The following FTO variants were observed in gnomAD, a reference collection of about 807,000 sequenced individuals.
The protein encoded by FTO is FTO alpha-ketoglutarate dependent dioxygenase, also known as alpha-ketoglutarate-dependent dioxygenase FTO.
In FTO, 47 loss-of-function variants were observed where a neutral mutation model predicts 63.9. The observed-to-expected ratio is 0.74, with a 90% confidence interval of 0.58 to 0.94. FTO has a LOEUF of 0.94. Ranked by LOEUF, FTO falls within the 40% of genes least tolerant of loss-of-function variation. The pLI is 0.00. For synonymous variants in FTO, 207 were observed against 224.4 expected (o/e 0.92, Z 0.69); for missense variants, 562 against 618.1 (o/e 0.91, Z 0.96).
chr16:53,880,442 A>T (rs2080791440), intron 6 of FTO, among the ~76,000 whole-genome samples: 1 of 152,232 alleles, frequency 6.6e-6, no homozygotes, highest in Non-Finnish European at 1.5e-5. Context: ...AATAGCAGTC[A>T]CCAGAGTCTC....
chr16:53,896,427 G>T (rs1242220909), intron 7 of FTO, among the ~76,000 whole-genome samples: 2 of 151,612 alleles, frequency 1.3e-5, no homozygotes, highest in East Asian at 3.9e-4. Flanking sequence ...CAGTCTAGAA[G>T]AATGAAGTAG....
intron 1 of FTO, among the ~76,000 whole-genome samples, chr16:53,737,957 T>G (rs549032802): frequency 6.6e-6 from 1 of 150,914 alleles, no homozygotes; most frequent in South Asian, 2.1e-4. Flanking sequence ...TCTTTCTTTC[T>G]TTTTTTTCTT....
At chr16:53,993,579 C>G (rs536896543) in intron 8 of FTO, 1 of 152,286 alleles carries the variant, frequency 6.6e-6, no homozygotes, top group Admixed American at 6.5e-5. Flanking sequence ...TTAAGCTCAA[C>G]TATGTGTATT....
At chr16:53,727,264 G>A (rs1289203349) in intron 1 of FTO, among the ~76,000 whole-genome samples, 1 of 152,184 alleles carries the variant, frequency 6.6e-6, no homozygotes. Flanking sequence ...TATTCTATCA[G>A]CTTTCAGCTG....
chr16:53,825,838 C>G lies in FTO; in HGVS notation c.124-26C>G, dbSNP rs565476955. ...TACAATTGTAGCTATATATCAACGT[C>G]TGTTTTTGCTTTGGTTTTGTTTTAG... is the stretch of plus-strand genomic sequence containing the variant. On this transcript the variant is annotated intron_variant, in intron 2 of 8. Coordinates refer to ENST00000471389, the MANE Select transcript of FTO (RefSeq NM_001080432.3). 7 of 1,610,058 alleles carry G rather than the reference C, an allele frequency of 4.3e-6. No individual in the cohort carries two copies. The East Asian group carries it at 1.3e-4, about 31-fold the overall frequency.
chr16:53,715,378 C>G (rs1324055348), intron 1 of FTO, among the ~76,000 whole-genome samples: 2 of 152,054 alleles, frequency 1.3e-5, no homozygotes, highest in Non-Finnish European at 1.5e-5. Context: ...TAAAAATAGG[C>G]CCATCTTGCA....
At chr16:53,956,149 A>G (rs576150034) in intron 8 of FTO, among the ~76,000 whole-genome samples, 1 of 152,336 alleles carries the variant, frequency 6.6e-6, no homozygotes, top group Admixed American at 6.5e-5. Context: ...GTTAAAGATA[A>G]CTATTGACAA....
chr16:54,077,384 T>G (rs1380885661), intron 8 of FTO, among the ~76,000 whole-genome samples: 1 of 152,152 alleles, frequency 6.6e-6, no homozygotes, highest in Non-Finnish European at 1.5e-5. Context: ...GCCCAGTACC[T>G]GCATGGTTAT....
intron 8 of FTO, among the ~76,000 whole-genome samples, chr16:54,086,418 T>G (rs10492872): frequency 0.22 from 33,730 of 152,166 alleles, 4,760 homozygotes; most frequent in Middle Eastern, 0.39. Flanking sequence ...TTAGCAGAGA[T>G]GAGGAATTTA....
At chr16:53,927,147 G>C (rs540784034) in intron 7 of FTO, among the ~76,000 whole-genome samples, 21 of 152,184 alleles carry the variant, frequency 1.4e-4, no homozygotes, top group Non-Finnish European at 2.4e-4. Flanking sequence ...AGACAGATCA[G>C]TTTGGAGGCC....
intron 8 of FTO, among the ~76,000 whole-genome samples, chr16:54,020,892 A>G (rs893518464): frequency 5.9e-5 from 9 of 152,164 alleles, no homozygotes; most frequent in Non-Finnish European, 2.9e-5. Flanking sequence ...AATCCCTTGA[A>G]TCTGGGAGAC....
chr16:53,730,071 G>C (rs572073567), intron 1 of FTO, among the ~76,000 whole-genome samples: 11 of 152,262 alleles, frequency 7.2e-5, no homozygotes, highest in Non-Finnish European at 1.3e-4. Flanking sequence ...GATTTATCAT[G>C]GACTTCAAAT....
intron 4 of FTO, among the ~76,000 whole-genome samples, chr16:53,873,070 C>T (rs1352482784): frequency 6.6e-6 from 1 of 152,164 alleles, no homozygotes; most frequent in Admixed American, 6.5e-5. Context: ...AAGAGCCAAA[C>T]ATGCAACATG....
Position 53,835,106 on chromosome 16 carries a change from C to T in FTO, c.751+8615C>T, listed in dbSNP as rs115487399. Among the ~76,000 whole-genome samples the T allele has an allele frequency of 4.1e-3, 617 of 152,050 alleles. 8 individuals are homozygous for T. Among genetic ancestry groups the T allele is most frequent in the African/African-American group, 0.014 (563 of 41,452 alleles). On this transcript the variant is annotated intron_variant, in intron 3 of 8. Transcript: ENST00000471389. ...CTATGTAGTTATGACTAATTAAATC[C>T]CTTGCTATCTACCACATCTCCTCTT...
chr16:53,961,939 C>T (rs942661940), intron 8 of FTO, among the ~76,000 whole-genome samples: 5 of 152,152 alleles, frequency 3.3e-5, no homozygotes, highest in Non-Finnish European at 5.9e-5. Context: ...TTGAACACCT[C>T]AGGTAGTACC....
In FTO at chr16:54,005,231, G is replaced by C. The variant is rs183821344; in HGVS notation, c.1364+71122G>C. On this transcript the variant is annotated intron_variant, in intron 8 of 8. Transcript: ENST00000471389. ...TTTCTAGTGGCCTTTATAGGACTTG[G>C]CTTAATATTTTTATTTTATTTTATA... Among the ~76,000 whole-genome samples the C allele has an allele frequency of 2.1e-3, 305 of 146,694 alleles. 1 individual carries two copies. Among genetic ancestry groups the C allele is most frequent in the Non-Finnish European group, 3.4e-3 (224 of 66,664 alleles).
chr16:54,106,664 T>C (rs1477053675), intron 8 of FTO, among the ~76,000 whole-genome samples: 2 of 137,600 alleles, frequency 1.5e-5, no homozygotes, highest in African/African-American at 2.7e-5. Context: ...TATCATTATA[T>C]ATTATATAAT....
intron 8 of FTO, among the ~76,000 whole-genome samples, chr16:54,106,828 T>C (rs540079296): frequency 3.6e-4 from 50 of 137,186 alleles, no homozygotes; most frequent in African/African-American, 1.2e-3. Flanking sequence ...TTATTATATA[T>C]AATTTATGTA....
At chr16:54,028,752 AAAT>A (rs779776021) in intron 8 of FTO, among the ~76,000 whole-genome samples, 32 of 152,220 alleles carry the variant, frequency 2.1e-4, no homozygotes, top group South Asian at 8.3e-4. Context: ...TTAAATTTTG[AAAT>A]AATAATAAAT....
Sources: gnomAD v4.1 joint callset for allele counts (sites outside exome capture counted in the v4.1 genomes callset) on GRCh38, gnomAD v4.1.1 for gene constraint, MANE v1.5 for transcripts, NCBI Gene and HGNC (gene_info 2026-07-23, HGNC 2026-07-21) for gene names.